Variants in CENPQ observed in about 807,000 individuals in gnomAD.
CENPQ encodes the protein chromosome 6 open reading frame 139.
In CENPQ, 27 loss-of-function variants were observed where a neutral mutation model predicts 36.6. That is an observed-to-expected ratio of 0.74 (90% confidence interval 0.54 to 1.02). The LOEUF is 1.02. Among genes scored for constraint, CENPQ ranks in the 50% least tolerant of loss-of-function variants. The pLI is 0.00. For missense variants in CENPQ, 306 were observed against 301.8 expected (o/e 1.01, Z -0.10); for synonymous variants, 101 against 101.7 (o/e 0.99, Z 0.04).
chr6:49,483,934 G>A (rs1453098270), intron 6 of CENPQ, among the ~76,000 whole-genome samples: 1 of 152,238 alleles, frequency 6.6e-6, no homozygotes, highest in Non-Finnish European at 1.5e-5. Flanking sequence ...GGAGGCGCCA[G>A]GAGTGAGCAA....
At chr6:49,476,202 C>A (rs1768286728) in intron 5 of CENPQ, among the ~76,000 whole-genome samples, 2 of 152,162 alleles carry the variant, frequency 1.3e-5, no homozygotes, top group African/African-American at 4.8e-5. Context: ...AACAAAACAC[C>A]ATGGTACTGG....
chr6:49,466,488 A>G (rs555277597), intron 1 of CENPQ, among the ~76,000 whole-genome samples: 14 of 152,358 alleles, frequency 9.2e-5, no homozygotes, highest in African/African-American at 2.9e-4. Flanking sequence ...ATTCTTACCC[A>G]TAGCACAAAC....
chr6:49,481,948 C>A (rs1768441454), intron 6 of CENPQ, among the ~76,000 whole-genome samples: 1 of 152,214 alleles, frequency 6.6e-6, no homozygotes, highest in Non-Finnish European at 1.5e-5. Flanking sequence ...TGGCGGGCTG[C>A]AGGTCCTGAG....
intron 6 of CENPQ, among the ~76,000 whole-genome samples, chr6:49,484,427 A>G (rs957846192): frequency 6.6e-6 from 1 of 152,234 alleles, no homozygotes; most frequent in Non-Finnish European, 1.5e-5. Context: ...TCCAGCTTTT[A>G]ATGAATGGAT....
At position 49,492,328 on chromosome 6, in the gene CENPQ, T is replaced by C; in HGVS notation, c.*53T>C. On this transcript the variant is annotated 3_prime_UTR_variant, in exon 9 of 9. Transcript: ENST00000335783. ...TATTAATTTAATGTTCGTGAATTTG[T>C]AAAACTGTTAACCTATGATTATATG... is the stretch of plus-strand genomic sequence containing the variant. 6.8e-7 allele frequency: 1 copy of C among 1,460,840 alleles called. No homozygotes were observed. Among genetic ancestry groups the C allele is most frequent in the South Asian group, 1.3e-5 (1 of 76,494 alleles). The allele number at this position is 1,460,840 out of a possible 1,614,324, so 90.5% of individuals were successfully genotyped here.
At chr6:49,465,671 C>T (rs540747265) in intron 1 of CENPQ, among the ~76,000 whole-genome samples, 1 of 152,328 alleles carries the variant, frequency 6.6e-6, no homozygotes, top group East Asian at 1.9e-4. Context: ...GAACCAAGCT[C>T]TGCTAGCTTC....
At chr6:49,480,654 A>C (rs1357352542) in intron 5 of CENPQ, among the ~76,000 whole-genome samples, 1 of 151,340 alleles carries the variant, frequency 6.6e-6, no homozygotes. Context: ...CTGGATGATA[A>C]AAGGAAATTT....
rs184755745 is a variant in CENPQ, at chr6:49,466,968, A to G, written c.-18-3191A>G. Among the ~76,000 whole-genome samples the G allele has an allele frequency of 2.0e-5, 3 of 152,286 alleles. No individual in the cohort carries two copies. In the East Asian group the frequency reaches 5.8e-4, roughly 29 times the overall value. ...CTGGGTTGATTTTGACCCAGGAGACATTTGGCAATGTCTGGAAACAATTTT... is the reference window on the plus strand; with the variant it reads ...CTGGGTTGATTTTGACCCAGGAGACGTTTGGCAATGTCTGGAAACAATTTT... On this transcript the variant is annotated intron_variant, in intron 1 of 8. Transcript: ENST00000335783.
chr6:49,488,524 A>C, intron 7 of CENPQ, 53 bp downstream of exon 7: 1 of 1,596,144 alleles, frequency 6.3e-7, no homozygotes. Context: ...TTAATGGTTA[A>C]ATTATGCAAA....
Position 49,472,805 on chromosome 6 carries a change from C to A in CENPQ, c.294C>A (p.Asn98Lys), listed in dbSNP as rs765443355. The change falls in exon 5 of 9, where the codon AAC (asparagine) becomes AAA (lysine). Residue 98 changes from asparagine to lysine, a missense_variant. By Grantham distance (94) the Asn-to-Lys change is moderately conservative. Transcript: ENST00000335783. Reference protein sequence around the residue: ...MESVIMTILSNSIKEKEEIQY... With the variant: ...MESVIMTILSKSIKEKEEIQY... ...TCTTTTCTAGGACAATTTTGAGTAA[C>A]AGTATTAAAGAAAAAGAAGAAATAC... The A allele has an allele frequency of 6.8e-5, 98 of 1,451,476 alleles. 1 individual carries two copies. Among genetic ancestry groups the A allele is most frequent in the African/African-American group, 1.4e-5 (1 of 69,968 alleles). The allele number at this position is 1,451,476 out of a possible 1,614,324, so 89.9% of individuals were successfully genotyped here. A position where few individuals can be genotyped will look rare whatever the true frequency, so the allele number is the denominator to read the frequency against.
intron 6 of CENPQ, among the ~76,000 whole-genome samples, chr6:49,487,153 C>CAAAA (rs1447745290): frequency 1.5e-3 from 1 of 686 alleles, no homozygotes; most frequent in African/African-American, 2.0e-3. Context: ...AACTCCATCT[C>CAAAA]AAAAAAAAAA....
At chr6:49,476,594 GCTT>G (rs1561966889) in intron 5 of CENPQ, among the ~76,000 whole-genome samples, 1 of 152,150 alleles carries the variant, frequency 6.6e-6, no homozygotes, top group East Asian at 1.9e-4. Context: ...AAACTAAAGA[GCTT>G]CTGCACATCA....
At chr6:49,472,351 T>G (rs1274172327) in intron 4 of CENPQ, among the ~76,000 whole-genome samples, 168 bp downstream of exon 4, 1 of 152,202 alleles carries the variant, frequency 6.6e-6, no homozygotes, top group African/African-American at 2.4e-5. Flanking sequence ...GAAAAGTCTT[T>G]GTTAATTTTA....
intron 5 of CENPQ, among the ~76,000 whole-genome samples, chr6:49,476,938 A>G (rs1249955548): frequency 6.6e-6 from 1 of 152,174 alleles, no homozygotes; most frequent in Non-Finnish European, 1.5e-5. Context: ...TGGAGAGGAC[A>G]TGCAGAAATA....
chr6:49,482,955 G>A (rs577199852), intron 6 of CENPQ, among the ~76,000 whole-genome samples: 1 of 152,276 alleles, frequency 6.6e-6, no homozygotes, highest in South Asian at 2.1e-4. Flanking sequence ...GCAGTAGCAA[G>A]ATTTATTGCA....
chr6:49,469,724 T>G (rs1768082510), intron 1 of CENPQ, among the ~76,000 whole-genome samples: 1 of 152,176 alleles, frequency 6.6e-6, no homozygotes, highest in African/African-American at 2.4e-5. Flanking sequence ...AATTGGGTAA[T>G]GGTAAATTTA....
chr6:49,473,315 T>A (rs1483802927), intron 5 of CENPQ, among the ~76,000 whole-genome samples: 1 of 152,206 alleles, frequency 6.6e-6, no homozygotes, highest in Non-Finnish European at 1.5e-5. Flanking sequence ...AAATCACCAA[T>A]GGAGATTTCT....
chr6:49,466,436 G>A (rs1440924936), intron 1 of CENPQ, among the ~76,000 whole-genome samples: 1 of 152,152 alleles, frequency 6.6e-6, no homozygotes, highest in East Asian at 1.9e-4. Context: ...TGTCTGCGAG[G>A]CTCAATAAAG....
intron 3 of CENPQ, among the ~76,000 whole-genome samples, chr6:49,471,555 A>T (rs1473642577): frequency 1.3e-5 from 2 of 151,974 alleles, no homozygotes; most frequent in East Asian, 3.9e-4. Flanking sequence ...TGCTTTGCAC[A>T]CCTATAATTT....
Sources: allele counts gnomAD v4.1 joint callset (sites outside exome capture counted in the v4.1 genomes callset), GRCh38; gene constraint gnomAD v4.1.1; transcripts MANE v1.5; gene names NCBI Gene and HGNC (gene_info 2026-07-23, HGNC 2026-07-21).